The following TRABD2A variants were observed in gnomAD, a reference collection of about 807,000 sequenced individuals.
The protein encoded by TRABD2A is metalloprotease TIKI1.
TRABD2A carries 43 observed loss-of-function variants against 45.6 expected under a neutral mutation model. The ratio of observed to expected loss-of-function variants is 0.94; its 90% CI spans 0.74 to 1.22. TRABD2A has a LOEUF of 1.22. TRABD2A is among the 50% of genes most tolerant of loss of function. The pLI, the probability that TRABD2A is intolerant of heterozygous loss-of-function variation, is 0.00. For synonymous variants in TRABD2A, 269 were observed against 265.0 expected (o/e 1.02, Z -0.15); for missense variants, 642 against 652.4 (o/e 0.98, Z 0.17).
Position 84,839,146 on chromosome 2 carries a change from C to T in TRABD2A, c.991+3G>A. ...GGCTAATCAGAGGTGACCCACTACT[C>T]ACCAGCTCCAAAGGCAAAGAAGAAG... On this transcript the variant is annotated splice_donor_region_variant and intron_variant, in intron 4 of 6. Transcript: ENST00000409520. The T allele has an allele frequency of 3.7e-6, 6 of 1,613,874 alleles. No homozygotes were observed. Among genetic ancestry groups the T allele is most frequent in the Non-Finnish European group, 5.1e-6 (6 of 1,179,848 alleles).
At chr2:84,829,158 A>G (rs1681236746) in intron 5 of TRABD2A, among the ~76,000 whole-genome samples, 1 of 152,036 alleles carries the variant, frequency 6.6e-6, no homozygotes, top group South Asian at 2.1e-4. Flanking sequence ...ATTAACAGAG[A>G]GCCCATATAA....
At chr2:84,859,509 C>T (rs577002542) in intron 2 of TRABD2A, among the ~76,000 whole-genome samples, 16 of 152,334 alleles carry the variant, frequency 1.1e-4, no homozygotes, top group Non-Finnish European at 2.1e-4. Flanking sequence ...GATAATTCAA[C>T]AGCCACCGCA....
chr2:84,853,272 A>G (rs970006868), intron 2 of TRABD2A, among the ~76,000 whole-genome samples: 1 of 151,900 alleles, frequency 6.6e-6, no homozygotes, highest in Non-Finnish European at 1.5e-5. Flanking sequence ...GACATACCCA[A>G]GACTGGGTAA....
intron 2 of TRABD2A, among the ~76,000 whole-genome samples, chr2:84,853,611 C>G (rs1286049209): frequency 6.6e-6 from 1 of 152,196 alleles, no homozygotes; most frequent in Non-Finnish European, 1.5e-5. Context: ...CAGGCAGAGA[C>G]TGGAGTGAGG....
At chr2:84,868,437 G>A (rs1444101661) in intron 2 of TRABD2A, among the ~76,000 whole-genome samples, 5 of 151,206 alleles carry the variant, frequency 3.3e-5, no homozygotes, top group African/African-American at 1.2e-4. Flanking sequence ...GGCCTGTCAT[G>A]GGGTAGGGGG....
intron 5 of TRABD2A, among the ~76,000 whole-genome samples, chr2:84,829,620 A>G (rs998847161): frequency 1.6e-5 from 2 of 124,492 alleles, no homozygotes; most frequent in Admixed American, 1.6e-4. Flanking sequence ...ACACCACAAC[A>G]CAACGCAAAC....
chr2:84,876,087 CAG>C (rs2105414663), intron 1 of TRABD2A, among the ~76,000 whole-genome samples: 1 of 151,428 alleles, frequency 6.6e-6, no homozygotes, highest in South Asian at 2.1e-4. Flanking sequence ...GGGGGTGAAA[CAG>C]GATTAGAGGG....
rs1184766680 is a variant in TRABD2A, at chr2:84,830,968, G to A, written c.1082+1087C>T. Among the ~76,000 whole-genome samples the A allele has an allele frequency of 6.6e-6, 1 of 152,164 alleles. No individual in the cohort carries two copies. Among genetic ancestry groups the A allele is most frequent in the African/African-American group, 2.4e-5 (1 of 41,430 alleles). On this transcript the variant is annotated intron_variant, in intron 5 of 6. Transcript: ENST00000409520. The surrounding 1 kb of genome is among the most constrained non-coding windows in gnomAD (Gnocchi z 4.9). ...GCTGAGACCTCTGCCAGGAGAGGGG[G>A]CTGCTGACCACAGATCGGGAGGCAG... is the stretch of plus-strand genomic sequence containing the variant.
intron 2 of TRABD2A, among the ~76,000 whole-genome samples, chr2:84,846,073 G>T (rs1681885827): frequency 6.6e-6 from 1 of 152,070 alleles, no homozygotes; most frequent in Admixed American, 6.6e-5. Flanking sequence ...ATCATCCCAG[G>T]GTCATTGCTT....
At chr2:84,847,149 C>A (rs542186809) in intron 2 of TRABD2A, among the ~76,000 whole-genome samples, 1 of 152,210 alleles carries the variant, frequency 6.6e-6, no homozygotes, top group East Asian at 1.9e-4. Flanking sequence ...CAGGGCGGTG[C>A]TCCAAGGGAA....
chr2:84,869,965 C>T (rs992552865), intron 2 of TRABD2A, among the ~76,000 whole-genome samples: 21 of 139,130 alleles, frequency 1.5e-4, no homozygotes, highest in African/African-American at 5.9e-4. Context: ...GGTGGAATGA[C>T]TCTGTCCCAA....
intron 4 of TRABD2A, 50 bp downstream of exon 4, chr2:84,839,099 G>T: frequency 6.2e-7 from 1 of 1,600,764 alleles, no homozygotes; most frequent in South Asian, 1.1e-5. Context: ...TTCCCTTCTT[G>T]GGAGAAGCCT....
intron 2 of TRABD2A, among the ~76,000 whole-genome samples, chr2:84,848,375 T>TAGATAGATAGAGAGATAGATAGAC (rs1315427907): frequency 1.2e-5 from 1 of 80,560 alleles, no homozygotes; most frequent in Non-Finnish European, 2.5e-5. Context: ...GATAGATAGA[T>TAGATAGATAGAGAGATAGATAGAC]AGACAGACAG....
At chr2:84,845,029 A>G (rs551305773) in intron 2 of TRABD2A, among the ~76,000 whole-genome samples, 2 of 152,324 alleles carry the variant, frequency 1.3e-5, no homozygotes, top group East Asian at 3.9e-4. Context: ...ACTGGGGCAG[A>G]CTGTGTATGG....
intron 5 of TRABD2A, among the ~76,000 whole-genome samples, chr2:84,827,902 C>CA (rs1681196342): frequency 1.3e-5 from 2 of 152,210 alleles, no homozygotes; most frequent in South Asian, 4.1e-4. Flanking sequence ...CTAGACCCTC[C>CA]AGAAGGGAAT....
rs549284872 is a variant in TRABD2A, at chr2:84,880,849, G to T, written c.108+83C>A. On this transcript the variant is annotated intron_variant, in intron 1 of 6. Coordinates refer to ENST00000409520, the MANE Select transcript of TRABD2A (RefSeq NM_001277053.2). Reference sequence around the variant, plus strand: ...GCGGAAGTCGGCTCGGGGTCCGAAAGCGCTGCTTCGCGGGGTTCGGAGGGA... The same window carrying T: ...GCGGAAGTCGGCTCGGGGTCCGAAATCGCTGCTTCGCGGGGTTCGGAGGGA... The T allele has an allele frequency of 7.0e-5, 108 of 1,535,304 alleles. No individual in the cohort carries two copies. The African/African-American group carries it at 1.3e-3, about 19-fold the overall frequency.
chr2:84,881,051 C>T lies in TRABD2A; in HGVS notation c.-12G>A. ...CTCCAGGGACTCATCCTCCTCAAGG[C>T]GGCTCCGAGGCCCGGAACGCGGAGG... On this transcript the variant is annotated 5_prime_UTR_variant, in exon 1 of 7. Coordinates refer to ENST00000409520, the MANE Select transcript of TRABD2A (RefSeq NM_001277053.2). The T allele has an allele frequency of 6.3e-7, 1 of 1,587,606 alleles. No homozygotes were observed.
chr2:84,824,451 T>G (rs1038302116), intron 5 of TRABD2A, among the ~76,000 whole-genome samples: 8 of 151,664 alleles, frequency 5.3e-5, no homozygotes, highest in Non-Finnish European at 1.2e-4. Context: ...GGGAGAAAGA[T>G]CCAAGATTTT....
intron 1 of TRABD2A, among the ~76,000 whole-genome samples, chr2:84,879,125 G>A (rs966980563): frequency 6.6e-6 from 1 of 150,886 alleles, no homozygotes; most frequent in Non-Finnish European, 1.5e-5. Flanking sequence ...GCTATGTTGT[G>A]TTTTACTACT....
Sources: gnomAD v4.1 joint callset for allele counts (sites outside exome capture counted in the v4.1 genomes callset) on GRCh38, gnomAD v4.1.1 for gene constraint, Gnocchi (gnomAD v3.1) non-coding constraint, MANE v1.5 for transcripts, NCBI Gene and HGNC (gene_info 2026-07-23, HGNC 2026-07-21) for gene names.